The following STK3 variants were observed in gnomAD, a reference collection of about 807,000 sequenced individuals.
STK3 encodes the protein serine/threonine-protein kinase 3.
A neutral mutation model predicts 58.0 loss-of-function variants in STK3; 41 were observed. That is an observed-to-expected ratio of 0.71 (90% CI 0.55 to 0.92). STK3 has a LOEUF of 0.92. Ranked by LOEUF, STK3 falls within the 40% of genes least tolerant of loss-of-function variation. STK3 has a pLI of 0.00. For missense variants in STK3, 479 were observed against 602.7 expected (o/e 0.79, Z 2.15); for synonymous variants, 170 against 191.0 (o/e 0.89, Z 0.91).
At chr8:98,838,908 G>A (rs1835851083) in intron 3 of STK3, among the ~76,000 whole-genome samples, 1 of 151,144 alleles carries the variant, frequency 6.6e-6, no homozygotes, top group Non-Finnish European at 1.5e-5. Flanking sequence ...ACCTTCCTTG[G>A]CTATTACTTC....
chr8:98,774,860 A>C (rs1313988531), intron 1 of STK3, 41 bp from the exon 2 acceptor site: 1 of 1,409,998 alleles, frequency 7.1e-7, no homozygotes, highest in Non-Finnish European at 9.5e-7. Flanking sequence ...ATTTTCTTTA[A>C]AGACCTTTTA....
intron 7 of STK3, among the ~76,000 whole-genome samples, chr8:98,585,310 A>G (rs574945745): frequency 6.6e-6 from 1 of 152,224 alleles, no homozygotes; most frequent in Non-Finnish European, 1.5e-5. Flanking sequence ...AGCCTTCTAC[A>G]TATGACTAGC....
At chr8:98,373,308 T>C (rs1817632244) in intron 2 of STK3, among the ~76,000 whole-genome samples, 1 of 152,260 alleles carries the variant, frequency 6.6e-6, no homozygotes, top group African/African-American at 2.4e-5. Context: ...AACAGGATTC[T>C]AGATCCACAT....
chr8:98,806,039 G>C (rs925212162), intron 1 of STK3, among the ~76,000 whole-genome samples: 1 of 152,114 alleles, frequency 6.6e-6, no homozygotes, highest in African/African-American at 2.4e-5. Context: ...GTAGTACTTA[G>C]TACAGTGATT....
intron 4 of STK3, among the ~76,000 whole-genome samples, chr8:98,745,874 TCA>T (rs1485006673): frequency 6.6e-6 from 1 of 152,214 alleles, no homozygotes; most frequent in East Asian, 1.9e-4. Context: ...TGTGTGAACA[TCA>T]CAGAGTGTGT....
intron 1 of STK3, among the ~76,000 whole-genome samples, chr8:98,783,321 G>A (rs1832235874): frequency 6.6e-6 from 1 of 152,134 alleles, no homozygotes; most frequent in Non-Finnish European, 1.5e-5. Flanking sequence ...AATGTTTGAG[G>A]TGAAGGATAC....
chr8:98,905,623 C>T (rs1221352538), intron 1 of STK3: 1 of 903,754 alleles, frequency 1.1e-6, no homozygotes, highest in Non-Finnish European at 1.9e-6. Context: ...AGCGGATCTC[C>T]TGCTCTGTGG....
chr8:98,743,592 G>A (rs1829405799), intron 4 of STK3, among the ~76,000 whole-genome samples: 1 of 152,140 alleles, frequency 6.6e-6, no homozygotes, highest in Non-Finnish European at 1.5e-5. Flanking sequence ...ATTCAAGATG[G>A]ATTAAAGACT....
chr8:98,760,093 A>T (rs1454239387), intron 3 of STK3, among the ~76,000 whole-genome samples: 2 of 151,132 alleles, frequency 1.3e-5, no homozygotes, highest in Non-Finnish European at 2.9e-5. Context: ...GAATCTGTGG[A>T]TGCAGAACAA....
chr8:98,895,641 A>G (rs959540597), intron 1 of STK3, among the ~76,000 whole-genome samples: 1 of 152,204 alleles, frequency 6.6e-6, no homozygotes, highest in African/African-American at 2.4e-5. Flanking sequence ...GCCATCCTCC[A>G]ACATGAGAAG....
intron 10 of STK3, among the ~76,000 whole-genome samples, chr8:98,458,818 C>T (rs952265071): frequency 1.3e-5 from 2 of 152,202 alleles, no homozygotes; most frequent in African/African-American, 2.4e-5. Context: ...CCTTCACCTT[C>T]CACCATGATT....
intron 6 of STK3, among the ~76,000 whole-genome samples, chr8:98,653,808 C>A (rs1369123108): frequency 6.6e-6 from 1 of 152,110 alleles, no homozygotes; most frequent in Non-Finnish European, 1.5e-5. Flanking sequence ...CTGAATAGAA[C>A]AATAACAGGC....
chr8:98,794,087 G>A (rs1463510863), intron 1 of STK3, among the ~76,000 whole-genome samples: 1 of 151,936 alleles, frequency 6.6e-6, no homozygotes, highest in Non-Finnish European at 1.5e-5. Context: ...CAAAAAATCA[G>A]AAAAATCTCA....
At chr8:98,650,913 G>A (rs955431139) in intron 6 of STK3, among the ~76,000 whole-genome samples, 2 of 152,216 alleles carry the variant, frequency 1.3e-5, no homozygotes, top group Non-Finnish European at 1.5e-5. Context: ...TGGAGGAAGG[G>A]CACAGACAAA....
rs1259259271 is a variant in STK3, at chr8:98,894,568, A to G, written c.-78-10734T>C. Among the ~76,000 whole-genome samples, 6 of 152,332 alleles carry G rather than the reference A, an allele frequency of 3.9e-5. No homozygotes were observed. The South Asian group carries it at 1.2e-3, about 32-fold the overall frequency. ...TTGTTCCCAGCATTTATTGTTTTCT[A>G]GTATGCTACATAATTTACCTATCTA... On this transcript the variant is annotated intron_variant, in intron 1 of 1. Coordinates refer to the STK3 transcript ENST00000519420.
At chr8:98,594,424 ACTCTGT>A (rs1815626172) in intron 7 of STK3, among the ~76,000 whole-genome samples, 1 of 151,754 alleles carries the variant, frequency 6.6e-6, no homozygotes, top group African/African-American at 2.4e-5. Flanking sequence ...ACATGGCGAA[ACTCTGT>A]CTCTACTAAT....
chr8:98,587,309 A>G lies in STK3; in HGVS notation c.823-7520T>C, dbSNP rs200698654. On this transcript the variant is annotated intron_variant, in intron 7 of 10. Coordinates refer to ENST00000419617, the MANE Select transcript of STK3 (RefSeq NM_006281.4). ...TCTGGTATGTTGTGTCTTTGTTCTCATTGGTTTCAAAGAACATCTTTATTT... is the reference window on the plus strand; with the variant it reads ...TCTGGTATGTTGTGTCTTTGTTCTCGTTGGTTTCAAAGAACATCTTTATTT... 2.2e-4 allele frequency among the ~76,000 whole-genome samples: 33 copies of G among 150,622 alleles called. No homozygotes were observed. The East Asian group carries it at 2.9e-3, about 13-fold the overall frequency.
chr8:98,532,783 T>C (rs937539088), intron 9 of STK3, among the ~76,000 whole-genome samples: 10 of 152,314 alleles, frequency 6.6e-5, no homozygotes, highest in Admixed American at 2.0e-4. Flanking sequence ...GCATGAAGTA[T>C]TGTGTGACCA....
At chr8:98,782,140 A>G (rs1246445094) in intron 1 of STK3, 1 of 231,894 alleles carries the variant, frequency 4.3e-6, no homozygotes, top group Non-Finnish European at 8.7e-6. Flanking sequence ...GAAATTGGCC[A>G]TGCCAACTCC....
Sources: allele counts gnomAD v4.1 joint callset (sites outside exome capture counted in the v4.1 genomes callset), GRCh38; gene constraint gnomAD v4.1.1; transcripts MANE v1.5; gene names NCBI Gene and HGNC (gene_info 2026-07-23, HGNC 2026-07-21).